PLPPR1: variants seen among roughly 807,000 people sequenced by gnomAD.
PLPPR1 encodes phospholipid phosphatase-related protein type 1.
Under a neutral mutation model 33.1 loss-of-function variants are expected in PLPPR1, and 10 were observed. That is an observed-to-expected ratio of 0.30 (90% CI 0.19 to 0.51). PLPPR1 has a LOEUF of 0.51. PLPPR1 is among the 20% of genes least tolerant of loss of function. The pLI is 0.97. For missense variants in PLPPR1, 304 were observed against 408.1 expected, an observed-to-expected ratio of 0.74 and a Z score of 2.20; for synonymous variants, 151 against 151.0, an observed-to-expected ratio of 1.00 and a Z score of 0.00.
intron 1 of PLPPR1, among the ~76,000 whole-genome samples, chr9:101,087,188 A>T (rs1317747902): frequency 2.6e-5 from 4 of 151,252 alleles, no homozygotes; most frequent in East Asian, 3.9e-4. Flanking sequence ...TCTCAAAAAA[A>T]AAAAAATAAA....
rs1487474878 is a variant in PLPPR1, at chr9:101,300,462, CTATT to C, written c.386-8746_386-8743del. Among the ~76,000 whole-genome samples, 4 of 152,264 alleles carry C rather than the reference CTATT, an allele frequency of 2.6e-5. No individual in the cohort carries two copies. In the East Asian group the frequency reaches 7.7e-4, roughly 29 times the overall value. On this transcript the variant is annotated intron_variant, in intron 4 of 7. Coordinates refer to ENST00000374874, the MANE Select transcript of PLPPR1 (RefSeq NM_207299.2). The stretch of plus-strand genomic sequence containing the variant: ...TTGATATTATAGGTGTGAGCAGAAA[CTATT>C]TAAGTTATTACATTAGAACATAATG...
chr9:101,058,680 G>T (rs548978432), intron 1 of PLPPR1, among the ~76,000 whole-genome samples: 1 of 152,134 alleles, frequency 6.6e-6, no homozygotes, highest in Admixed American at 6.5e-5. Context: ...AATTTTCTAT[G>T]CCATCTCTTT....
chr9:101,067,627 A>G (rs1830434523), intron 1 of PLPPR1, among the ~76,000 whole-genome samples: 2 of 152,206 alleles, frequency 1.3e-5, no homozygotes, highest in African/African-American at 4.8e-5. Flanking sequence ...AGAGGTCACA[A>G]TCCACCTTTC....
intron 2 of PLPPR1, among the ~76,000 whole-genome samples, chr9:101,248,392 T>C (rs1349411006): frequency 6.6e-6 from 1 of 152,098 alleles, no homozygotes; most frequent in Admixed American, 6.6e-5. Context: ...AAATTTCAAC[T>C]GCAAATACCG....
intron 1 of PLPPR1, among the ~76,000 whole-genome samples, chr9:101,135,256 T>C (rs995176056): frequency 2.6e-5 from 4 of 152,198 alleles, no homozygotes; most frequent in African/African-American, 7.2e-5. Context: ...GGTTAATTCA[T>C]AGGCCACTCA....
At chr9:101,200,614 CAATTTCAT>C (rs1826475001) in intron 2 of PLPPR1, among the ~76,000 whole-genome samples, 1 of 152,098 alleles carries the variant, frequency 6.6e-6, no homozygotes, top group Non-Finnish European at 1.5e-5. Flanking sequence ...TCAGTGTAGA[CAATTTCAT>C]TTTGTTTATT....
At chr9:101,168,329 A>C (rs921212973) in intron 1 of PLPPR1, among the ~76,000 whole-genome samples, 1 of 152,090 alleles carries the variant, frequency 6.6e-6, no homozygotes, top group African/African-American at 2.4e-5. Flanking sequence ...GGTGTCTTTT[A>C]TGTGCTGGCC....
intron 2 of PLPPR1, among the ~76,000 whole-genome samples, chr9:101,215,277 G>C (rs2987730): frequency 0.51 from 77,919 of 151,626 alleles, 21,123 homozygotes; most frequent in East Asian, 0.89. Context: ...CTGATACTAG[G>C]TCTTTTTTTA....
At chr9:101,162,788 G>C (rs887450593) in intron 1 of PLPPR1, among the ~76,000 whole-genome samples, 1 of 152,158 alleles carries the variant, frequency 6.6e-6, no homozygotes, top group African/African-American at 2.4e-5. Flanking sequence ...TGGTTGTCCA[G>C]ATGGGTTTGT....
intron 4 of PLPPR1, among the ~76,000 whole-genome samples, chr9:101,296,173 A>G (rs1828633188): frequency 6.6e-6 from 1 of 152,120 alleles, no homozygotes; most frequent in Admixed American, 6.5e-5. Flanking sequence ...GAAGACATTT[A>G]TGCAGCCAAA....
intron 4 of PLPPR1, among the ~76,000 whole-genome samples, chr9:101,302,249 G>A (rs1828767127): frequency 6.6e-6 from 1 of 152,172 alleles, no homozygotes; most frequent in Non-Finnish European, 1.5e-5. Flanking sequence ...TATGTACTAA[G>A]CACAGCATAT....
chr9:101,120,971 A>C (rs1327402023), intron 1 of PLPPR1, among the ~76,000 whole-genome samples: 1 of 152,204 alleles, frequency 6.6e-6, no homozygotes, highest in Non-Finnish European at 1.5e-5. Context: ...ACTTGCCTAA[A>C]GATTGATGGG....
chr9:101,150,096 T>C (rs766972100), intron 1 of PLPPR1, among the ~76,000 whole-genome samples: 8 of 152,248 alleles, frequency 5.3e-5, no homozygotes, highest in Middle Eastern at 3.4e-3. Flanking sequence ...ATCATGCTTT[T>C]ATTTTTATTT....
At chr9:101,306,755 T>A (rs1023916830) in intron 4 of PLPPR1, among the ~76,000 whole-genome samples, 1 of 152,160 alleles carries the variant, frequency 6.6e-6, no homozygotes, top group Non-Finnish European at 1.5e-5. Flanking sequence ...CTGAAGAATT[T>A]TAGACTCCAA....
intron 1 of PLPPR1, among the ~76,000 whole-genome samples, chr9:101,088,014 C>T (rs996521277): frequency 6.6e-6 from 1 of 152,088 alleles, no homozygotes; most frequent in Admixed American, 6.6e-5. Flanking sequence ...CAACACTGCA[C>T]GAACAAATGC....
At chr9:101,065,699 G>A (rs914851063) in intron 1 of PLPPR1, among the ~76,000 whole-genome samples, 5 of 151,946 alleles carry the variant, frequency 3.3e-5, no homozygotes, top group Admixed American at 1.3e-4. Context: ...TCCAAAATAC[G>A]CAGGAAATCC....
intron 1 of PLPPR1, among the ~76,000 whole-genome samples, chr9:101,043,436 T>C (rs1351012043): frequency 4.6e-5 from 7 of 151,596 alleles, no homozygotes; most frequent in African/African-American, 1.2e-4. Flanking sequence ...TATGTATATA[T>C]GTATATGCAT....
At chr9:101,267,665 T>C (rs1403290423) in intron 2 of PLPPR1, among the ~76,000 whole-genome samples, 2 of 152,200 alleles carry the variant, frequency 1.3e-5, no homozygotes, top group African/African-American at 4.8e-5. Context: ...TAGCAATGGA[T>C]GTAGCTAAAA....
intron 5 of PLPPR1, among the ~76,000 whole-genome samples, chr9:101,310,094 T>G (rs1307630780): frequency 1.3e-5 from 2 of 152,210 alleles, no homozygotes; most frequent in African/African-American, 4.8e-5. Flanking sequence ...TCTGGTTTTC[T>G]TTTTGTTCTA....
Sources: gnomAD v4.1 joint callset for allele counts (sites outside exome capture counted in the v4.1 genomes callset) on GRCh38, gnomAD v4.1.1 for gene constraint, MANE v1.5 for transcripts, NCBI Gene and HGNC (gene_info 2026-07-23, HGNC 2026-07-21) for gene names.